RIMS2: variants seen among roughly 807,000 people sequenced by gnomAD.
RIMS2 encodes regulating synaptic membrane exocytosis protein 2.
In RIMS2, 59 loss-of-function variants were observed where a neutral mutation model predicts 174.4. The ratio of observed to expected loss-of-function variants is 0.34; its 90% CI spans 0.27 to 0.42. The LOEUF is 0.42. Among genes scored for constraint, RIMS2 ranks in the 10% least tolerant of loss-of-function variants. The probability of loss-of-function intolerance (pLI) is 1.00; values close to 1 mark genes in which losing one functional copy is unlikely to be tolerated. For synonymous variants in RIMS2, 606 were observed against 572.5 expected, an observed-to-expected ratio of 1.06 and a Z score of -0.84; for missense variants, 1,620 against 1,666.3, an observed-to-expected ratio of 0.97 and a Z score of 0.48.
At chr8:104,121,664 C>T (rs1297000910) in intron 19 of RIMS2, among the ~76,000 whole-genome samples, 2 of 152,044 alleles carry the variant, frequency 1.3e-5, no homozygotes, top group Non-Finnish European at 2.9e-5. Flanking sequence ...ATTCTTGAGG[C>T]TTTTAATAAA....
chr8:103,557,730 C>G (rs911266032), intron 1 of RIMS2, among the ~76,000 whole-genome samples: 4 of 152,146 alleles, frequency 2.6e-5, no homozygotes, highest in African/African-American at 9.7e-5. Flanking sequence ...TCACTTATAA[C>G]TAACTGAATT....
chr8:104,044,172 A>G (rs2096654575), intron 19 of RIMS2, among the ~76,000 whole-genome samples: 1 of 151,654 alleles, frequency 6.6e-6, no homozygotes, highest in Admixed American at 6.6e-5. Context: ...GATATATTGT[A>G]TTTAAGTAAA....
intron 1 of RIMS2, among the ~76,000 whole-genome samples, chr8:103,568,430 CAT>C (rs1475683795): frequency 1.3e-5 from 2 of 152,292 alleles, no homozygotes; most frequent in East Asian, 3.9e-4. Flanking sequence ...AAAGGTAACA[CAT>C]GTCAGTGTTT....
intron 1 of RIMS2, among the ~76,000 whole-genome samples, chr8:103,627,325 C>T (rs939445954): frequency 1.3e-5 from 2 of 152,168 alleles, no homozygotes; most frequent in Non-Finnish European, 2.9e-5. Context: ...CCCTGAAAAT[C>T]ACTGTTATTC....
intron 17 of RIMS2, among the ~76,000 whole-genome samples, chr8:104,002,146 T>C (rs1565783539): frequency 6.6e-6 from 1 of 152,272 alleles, no homozygotes; most frequent in Non-Finnish European, 1.5e-5. Context: ...AAAATCTTAA[T>C]TTGAATACTA....
intron 19 of RIMS2, chr8:104,223,838 A>T: frequency 6.5e-7 from 1 of 1,531,210 alleles, no homozygotes. Flanking sequence ...ATCTGTTTAG[A>T]AAGTCGGTGG....
At chr8:103,924,665 A>G (rs145195897) in intron 10 of RIMS2, among the ~76,000 whole-genome samples, 236 of 151,770 alleles carry the variant, frequency 1.6e-3, no homozygotes, top group Non-Finnish European at 2.5e-3. Context: ...TAATTTCTAT[A>G]GTATGTGAGC....
intron 2 of RIMS2, among the ~76,000 whole-genome samples, chr8:103,748,877 C>T (rs200744311): frequency 5.9e-5 from 9 of 151,882 alleles, no homozygotes; most frequent in African/African-American, 1.7e-4. Context: ...CTCAGCTCAC[C>T]GCAACCTCCG....
intron 3 of RIMS2, among the ~76,000 whole-genome samples, chr8:103,877,093 T>C (rs1036874250): frequency 1.3e-5 from 2 of 151,348 alleles, no homozygotes; most frequent in African/African-American, 4.8e-5. Context: ...GATCAAATGG[T>C]AGTTCTACTT....
At chr8:103,933,164 G>A (rs1021189614) in intron 12 of RIMS2, among the ~76,000 whole-genome samples, 1 of 152,070 alleles carries the variant, frequency 6.6e-6, no homozygotes, top group Admixed American at 6.6e-5. Flanking sequence ...GTGGTGGCAG[G>A]TGCCTATAGT....
chr8:104,065,917 A>T (rs946832740), intron 19 of RIMS2, among the ~76,000 whole-genome samples: 1 of 152,200 alleles, frequency 6.6e-6, no homozygotes, highest in African/African-American at 2.4e-5. Flanking sequence ...ATACAGATTA[A>T]TATTCTCCTT....
intron 19 of RIMS2, among the ~76,000 whole-genome samples, chr8:104,069,024 C>G (rs572191440): frequency 4.6e-5 from 7 of 152,130 alleles, no homozygotes; most frequent in Non-Finnish European, 7.4e-5. Flanking sequence ...AGTGGATCAA[C>G]TTACAAGTTT....
exon 3 of RIMS2, chr8:103,766,507 A>G: frequency 1.2e-6 from 2 of 1,613,376 alleles, no homozygotes; most frequent in Non-Finnish European, 1.7e-6. Context: ...GGCGTGAAGC[A>G]TCACATTGCC....
intron 19 of RIMS2, among the ~76,000 whole-genome samples, chr8:104,107,504 T>TTTGTATA (rs1478911345): frequency 5.9e-5 from 9 of 152,308 alleles, no homozygotes; most frequent in African/African-American, 1.4e-4. Flanking sequence ...TCAATAAAAC[T>TTTGTATA]TTGTATATGA....
chr8:103,730,738 G>GA (rs2097581723), intron 2 of RIMS2, among the ~76,000 whole-genome samples: 1 of 152,150 alleles, frequency 6.6e-6, no homozygotes, highest in Admixed American at 6.5e-5. Flanking sequence ...TGAGAGTGAA[G>GA]AACTCTAGTA....
At chr8:103,660,430 C>T (rs549635748) in intron 1 of RIMS2, among the ~76,000 whole-genome samples, 7 of 152,340 alleles carry the variant, frequency 4.6e-5, no homozygotes, top group South Asian at 2.1e-4. Context: ...CTGACACAGA[C>T]TGTCTGCCTC....
At chr8:104,060,178 C>T (rs1195292136) in intron 19 of RIMS2, among the ~76,000 whole-genome samples, 3 of 151,512 alleles carry the variant, frequency 2.0e-5, no homozygotes, top group African/African-American at 7.3e-5. Flanking sequence ...TGGTAGAATT[C>T]GGCTGTGAAT....
chr8:103,929,299 A>G (rs536593662), intron 11 of RIMS2, among the ~76,000 whole-genome samples: 1 of 151,902 alleles, frequency 6.6e-6, no homozygotes, highest in African/African-American at 2.4e-5. Context: ...AATACTCTCT[A>G]TCAGACTTTT....
chr8:103,957,495 A>G (rs2087810848), intron 14 of RIMS2, among the ~76,000 whole-genome samples: 1 of 152,220 alleles, frequency 6.6e-6, no homozygotes, highest in Non-Finnish European at 1.5e-5. Flanking sequence ...TTCTCAGTAA[A>G]CTAACACAAG....
Sources: gnomAD v4.1 joint callset for allele counts (sites outside exome capture counted in the v4.1 genomes callset) on GRCh38, gnomAD v4.1.1 for gene constraint, MANE v1.5 for transcripts, NCBI Gene and HGNC (gene_info 2026-07-23, HGNC 2026-07-21) for gene names.